Variants in AJAP1 observed in about 807,000 individuals in gnomAD.
AJAP1 encodes the protein adherens junctions associated protein 1, also known as adherens junction-associated protein 1.
In AJAP1, 5 loss-of-function variants were observed where a neutral mutation model predicts 35.0. That is an observed-to-expected ratio of 0.14 (90% CI 0.07 to 0.30). The LOEUF (loss-of-function observed/expected upper bound fraction) is 0.30, where lower values mean the gene tolerates loss of function less well. Ranked by LOEUF, AJAP1 falls within the 10% of genes least tolerant of loss-of-function variation. AJAP1 has a pLI of 1.00. For synonymous variants in AJAP1, 284 were observed against 249.3 expected (o/e 1.14, Z -1.31); for missense variants, 586 against 571.0 (o/e 1.03, Z -0.27).
At chr1:4,770,016 C>A in intron 3 of AJAP1, 76 bp downstream of exon 3, 1 of 1,305,892 alleles carries the variant, frequency 7.7e-7, no homozygotes, top group Non-Finnish European at 1.1e-6. Context: ...CAGAAAGGCC[C>A]CTACTTTTCA....
At position 4,789,319 on chromosome 1, in the gene AJAP1, A is replaced by C. The variant is rs1481756166; in HGVS notation, c.*6834A>C. On this transcript the variant is annotated 3_prime_UTR_variant, in exon 6 of 6. Transcript: ENST00000378191. The surrounding 1 kb of genome is among the most constrained non-coding windows in gnomAD (Gnocchi z 4.4). ...TAAGCCAAGAGAGTTCTAAGCCAAG[A>C]CATGTGCTTGGGACTGGATTAACTC... 6 of 152,248 alleles carry C rather than the reference A, an allele frequency of 3.9e-5. No individual in the cohort carries two copies. The highest frequency in any genetic ancestry group is 1.4e-4 in the African/African-American group (6 of 41,472). The allele number at this position is 152,248 out of a possible 1,614,324, so 9.4% of individuals were successfully genotyped here.
rs200669033 is a variant in AJAP1, at chr1:4,782,762, A to C, written c.*277A>C. On this transcript the variant is annotated 3_prime_UTR_variant, in exon 6 of 6. Transcript: ENST00000378191. This position sits in a 1 kb window ranked among gnomAD's most constrained non-coding sequence, Gnocchi z 5.3. ...TCTCCCAGAGTTTTCTTTGGAGAAC[A>C]GAAAGAAGAAAGGAAAGAAAGGAAC... is the stretch of plus-strand genomic sequence containing the variant. 1.5e-5 allele frequency: 6 copies of C among 398,680 alleles called. No individual in the cohort carries two copies. The East Asian group carries it at 2.1e-4, about 14-fold the overall frequency. 24.7% of individuals were successfully genotyped at this position (398,680 alleles called of 1,614,324 possible). A position where few individuals can be genotyped will look rare whatever the true frequency, so the allele number is the denominator to read the frequency against.
chr1:4,739,249 A>G (rs61766960), intron 2 of AJAP1, among the ~76,000 whole-genome samples: 21,263 of 152,256 alleles, frequency 0.14, 1,861 homozygotes, highest in South Asian at 0.3. Flanking sequence ...CACTTTGCTC[A>G]CAATGCTGCA....
chr1:4,761,517 C>T (rs1182571069), intron 2 of AJAP1, among the ~76,000 whole-genome samples: 1 of 152,232 alleles, frequency 6.6e-6, no homozygotes. Context: ...ACCATGATGC[C>T]ATGGCCATTG....
intron 1 of AJAP1, among the ~76,000 whole-genome samples, chr1:4,666,434 G>T (rs917539120): frequency 2.6e-5 from 4 of 152,184 alleles, no homozygotes; most frequent in African/African-American, 4.8e-5. Flanking sequence ...CTCTCTGCCC[G>T]TGTGCGTTCA....
At position 4,656,020 on chromosome 1, in the gene AJAP1, T is replaced by A. The variant is rs1638873707; in HGVS notation, c.29+566T>A. 6.6e-6 allele frequency among the ~76,000 whole-genome samples: 1 copy of A among 151,822 alleles called. No individual in the cohort carries two copies. The highest frequency in any genetic ancestry group is 1.5e-5 in the Non-Finnish European group (1 of 67,910). ...CCGACCCAGCTGTTTGCGGGTGACC[T>A]CCGGGCCCGACGGGCGCTCACAGCT... On this transcript the variant is annotated intron_variant, in intron 1 of 5. Coordinates refer to ENST00000378191, the MANE Select transcript of AJAP1 (RefSeq NM_018836.4). This position sits in a 1 kb window ranked among gnomAD's most constrained non-coding sequence, Gnocchi z 5.7.
intron 1 of AJAP1, among the ~76,000 whole-genome samples, chr1:4,684,206 C>G (rs1639549845): frequency 6.6e-6 from 1 of 152,148 alleles, no homozygotes; most frequent in Admixed American, 6.5e-5. Context: ...GAATGCATCC[C>G]CAGCTGTTTG....
At chr1:4,776,740 G>C (rs1256335737) in intron 5 of AJAP1, among the ~76,000 whole-genome samples, 1 of 152,154 alleles carries the variant, frequency 6.6e-6, no homozygotes, top group African/African-American at 2.4e-5. Flanking sequence ...GGCGCCCCCA[G>C]ATGGGCCCCA....
intron 1 of AJAP1, among the ~76,000 whole-genome samples, chr1:4,689,269 T>C (rs1478002069): frequency 1.3e-5 from 2 of 152,126 alleles, no homozygotes; most frequent in African/African-American, 4.8e-5. Context: ...TTCAGCTGAT[T>C]AAGGCGGTTA....
intron 2 of AJAP1, among the ~76,000 whole-genome samples, chr1:4,722,653 C>A (rs757915316): frequency 1.3e-5 from 2 of 152,198 alleles, no homozygotes; most frequent in African/African-American, 2.4e-5. Context: ...GGGTGAGGAC[C>A]CTTCTCAGCA....
chr1:4,742,139 A>G (rs1356290202), intron 2 of AJAP1, among the ~76,000 whole-genome samples: 2 of 152,200 alleles, frequency 1.3e-5, no homozygotes, highest in African/African-American at 4.8e-5. Context: ...ATTCATCTCC[A>G]GTTATCTCCC....
Position 4,693,372 on chromosome 1 carries a change from T to C in AJAP1, c.30-18528T>C, listed in dbSNP as rs61765030. On this transcript the variant is annotated intron_variant, in intron 1 of 5. Transcript: ENST00000378191. The surrounding 1 kb of genome is among the most constrained non-coding windows in gnomAD (Gnocchi z 4.4). The stretch of plus-strand genomic sequence containing the variant: ...GGGGGACTGGGAGTCATGGAGGGCT[T>C]CCTGGAGGCAGGGGGCGGGGGGAGG... Among the ~76,000 whole-genome samples, 13 of 117,578 alleles carry C rather than the reference T, an allele frequency of 1.1e-4. No individual in the cohort carries two copies. The highest frequency in any genetic ancestry group is 1.3e-4 in the African/African-American group (4 of 30,982). The allele number at this position is 117,578 out of a possible 152,430, so 77.1% of individuals were successfully genotyped here. A position where few individuals can be genotyped will look rare whatever the true frequency, so the allele number is the denominator to read the frequency against.
intron 1 of AJAP1, 143 bp from the exon 2 acceptor site, chr1:4,711,757 T>A: frequency 1.6e-6 from 1 of 614,762 alleles, no homozygotes; most frequent in East Asian, 3.1e-5. Flanking sequence ...GGGTTTCGGA[T>A]TCCCTTTTGA....
intron 1 of AJAP1, among the ~76,000 whole-genome samples, chr1:4,671,550 A>T (rs1639248972): frequency 6.6e-6 from 1 of 151,904 alleles, no homozygotes; most frequent in African/African-American, 2.4e-5. Context: ...TTTCCTGAGC[A>T]CCACCAGGAG....
chr1:4,765,228 G>A lies in AJAP1; in HGVS notation c.830-4625G>A, dbSNP rs150844592. Among the ~76,000 whole-genome samples, 237 of 152,346 alleles carry A rather than the reference G, an allele frequency of 1.6e-3. 2 individuals carry two copies. Among genetic ancestry groups the A allele is most frequent in the Middle Eastern group, 0.01 (3 of 292 alleles). ...GCAAAGAGTTTGAAGATGTGATTCAGTGTTGACCTTGGAAGTGGAGAGGGA... is the reference window on the plus strand; with the variant it reads ...GCAAAGAGTTTGAAGATGTGATTCAATGTTGACCTTGGAAGTGGAGAGGGA... On this transcript the variant is annotated intron_variant, in intron 2 of 5. Coordinates refer to ENST00000378191, the MANE Select transcript of AJAP1 (RefSeq NM_018836.4).
intron 5 of AJAP1, among the ~76,000 whole-genome samples, chr1:4,779,106 G>C (rs1045085527): frequency 1.3e-5 from 2 of 152,220 alleles, no homozygotes; most frequent in Non-Finnish European, 2.9e-5. Context: ...TAAAATAGGG[G>C]ATGTGTGTAG....
In AJAP1 at chr1:4,774,421, C is replaced by T. The variant is rs780326013; in HGVS notation, c.1164-6C>T. 2 of 1,614,172 alleles carry T rather than the reference C, an allele frequency of 1.2e-6. No homozygotes were observed. The highest frequency in any genetic ancestry group is 1.7e-6 in the Non-Finnish European group (2 of 1,179,982). ...ACGCCAAAGCCCATTTTTCTGTTCA[C>T]CGCAGACCCTCCTCTTCTGATCGGC... On this transcript the variant is annotated splice_polypyrimidine_tract_variant and splice_region_variant and intron_variant, in intron 4 of 5. Coordinates refer to ENST00000378191, the MANE Select transcript of AJAP1 (RefSeq NM_018836.4).
intron 1 of AJAP1, among the ~76,000 whole-genome samples, chr1:4,674,015 A>G (rs1375382450): frequency 7.2e-6 from 1 of 138,854 alleles, no homozygotes; most frequent in Non-Finnish European, 1.5e-5. Context: ...CAGGTTTTGC[A>G]TGAGATAGGC....
At chr1:4,725,010 A>ACACTGTCTG (rs1429048004) in intron 2 of AJAP1, among the ~76,000 whole-genome samples, 7 of 152,170 alleles carry the variant, frequency 4.6e-5, no homozygotes, top group African/African-American at 1.7e-4. Flanking sequence ...GCCCCAGCGC[A>ACACTGTCTG]CACTGTCTGG....
Sources: gnomAD v4.1 joint callset for allele counts (sites outside exome capture counted in the v4.1 genomes callset) on GRCh38, gnomAD v4.1.1 for gene constraint, Gnocchi (gnomAD v3.1) non-coding constraint, MANE v1.5 for transcripts, NCBI Gene and HGNC (gene_info 2026-07-23, HGNC 2026-07-21) for gene names.